The following FAAH2 variants were observed in gnomAD, a reference collection of about 807,000 sequenced individuals.
The protein encoded by FAAH2 is fatty acid amide hydrolase 2, also known as fatty-acid amide hydrolase 2.
In FAAH2, 60 loss-of-function variants were observed where a neutral mutation model predicts 36.9. The observed-to-expected ratio is 1.63, with a 90% CI of 1.32 to 2.02. The LOEUF (loss-of-function observed/expected upper bound fraction) is 2.02, where lower values mean the gene tolerates loss of function less well. FAAH2 is among the 30% of genes most tolerant of loss of function. The pLI is 0.00. For synonymous variants in FAAH2, 214 were observed against 143.8 expected (o/e 1.49, Z -3.49); for missense variants, 689 against 397.5 (o/e 1.73, Z -6.23).
chrX:57,239,156 G>A, the FAAH2 span, among the ~76,000 whole-genome samples: 2 of 111,433 alleles, frequency 1.8e-5, no homozygotes, highest in Non-Finnish European at 3.8e-5. Context: ...AGTTTCAGTG[G>A]CAATGGTACC....
the FAAH2 span, among the ~76,000 whole-genome samples, chrX:57,231,106 A>G: frequency 9.4e-6 from 1 of 105,937 alleles, no homozygotes; most frequent in Admixed American, 1.0e-4. Context: ...AGGTCAGTAG[A>G]AATCCGGGAT....
the FAAH2 span, among the ~76,000 whole-genome samples, chrX:57,259,727 T>C: frequency 8.9e-6 from 1 of 112,060 alleles, no homozygotes; most frequent in South Asian, 3.7e-4. Flanking sequence ...GATGGATATA[T>C]TAATTAGCTT....
At chrX:57,386,087 A>C (rs2055016668) in intron 7 of FAAH2, among the ~76,000 whole-genome samples, 1 of 111,728 alleles carries the variant, frequency 9.0e-6, no homozygotes, top group Non-Finnish European at 1.9e-5. Context: ...TGAGATCTTC[A>C]TAAGTTATAA....
At chrX:57,296,266 C>A (rs1056999600) in intron 2 of FAAH2, among the ~76,000 whole-genome samples, 1 of 111,115 alleles carries the variant, frequency 9.0e-6, no homozygotes, top group African/African-American at 3.3e-5. Context: ...TCCAGAGGAA[C>A]GATCAGGCAG....
chrX:57,405,929 T>G (rs968902970), intron 7 of FAAH2, among the ~76,000 whole-genome samples: 5 of 108,885 alleles, frequency 4.6e-5, no homozygotes, highest in Admixed American at 3.0e-4. Context: ...ATATTTTCAA[T>G]TCTTTATCTG....
chrX:57,231,475 CT>C, the FAAH2 span, among the ~76,000 whole-genome samples: 1 of 111,401 alleles, frequency 9.0e-6, no homozygotes, highest in East Asian at 2.8e-4. Flanking sequence ...TATTTTTTAG[CT>C]TTTTTTGTAA....
intron 7 of FAAH2, among the ~76,000 whole-genome samples, chrX:57,410,011 T>G (rs1488938532): frequency 9.0e-6 from 1 of 111,187 alleles, no homozygotes; most frequent in African/African-American, 3.3e-5. Flanking sequence ...TAGGTGTTTA[T>G]TGCCATAAGT....
intron 2 of FAAH2, among the ~76,000 whole-genome samples, chrX:57,303,586 T>C (rs2052438372): frequency 8.9e-6 from 1 of 111,765 alleles, no homozygotes; most frequent in African/African-American, 3.3e-5. Context: ...GTTACCACCA[T>C]TTTATAGCTG....
At chrX:57,467,518 G>C (rs1271248977) in intron 10 of FAAH2, among the ~76,000 whole-genome samples, 2 of 111,777 alleles carry the variant, frequency 1.8e-5, no homozygotes, top group South Asian at 3.7e-4. Context: ...ATAGCAGTCT[G>C]AGATCAAACT....
the FAAH2 span, among the ~76,000 whole-genome samples, chrX:57,155,162 C>T: frequency 8.9e-6 from 1 of 111,908 alleles, no homozygotes; most frequent in South Asian, 3.8e-4. Flanking sequence ...TGGTTGGCCT[C>T]CTGCCACGAG....
the FAAH2 span, among the ~76,000 whole-genome samples, chrX:57,162,613 A>T: frequency 9.0e-6 from 1 of 110,607 alleles, no homozygotes; most frequent in African/African-American, 3.3e-5. Flanking sequence ...CATTCATTTC[A>T]TCCTCCATTG....
rs191144289 is a variant in FAAH2 at position 57,406,231 on chromosome X, G to A, written c.996+25202G>A. 1.8e-3 allele frequency among the ~76,000 whole-genome samples: 201 copies of A among 112,079 alleles called. 2 individuals carry two copies. Among genetic ancestry groups the A allele is most frequent in the African/African-American group, 6.1e-3 (187 of 30,801 alleles). On this transcript the variant is annotated intron_variant, in intron 7 of 10. Transcript: ENST00000374900. Reference sequence around the variant, plus strand: ...TTTGGCTATATATAACTTTTGTGTCGTGGCTTTCTCAAATGCTGCTTATCG... The same window carrying A: ...TTTGGCTATATATAACTTTTGTGTCATGGCTTTCTCAAATGCTGCTTATCG...
intron 7 of FAAH2, among the ~76,000 whole-genome samples, chrX:57,423,176 C>T (rs2056078546): frequency 8.9e-6 from 1 of 112,040 alleles, no homozygotes; most frequent in African/African-American, 3.2e-5. Context: ...AGAAGGAGGA[C>T]ATTTCTAATC....
intron 7 of FAAH2, among the ~76,000 whole-genome samples, chrX:57,418,527 A>C (rs2055908870): frequency 9.1e-6 from 1 of 109,887 alleles, no homozygotes; most frequent in African/African-American, 3.3e-5. Context: ...GTGACACCCC[A>C]CCCTGCTTTG....
intron 3 of FAAH2, among the ~76,000 whole-genome samples, chrX:57,316,203 G>C (rs2052833604): frequency 2.7e-5 from 3 of 111,193 alleles, no homozygotes; most frequent in South Asian, 7.5e-4. Flanking sequence ...GAGAACTGCA[G>C]AACACTGCCG....
chrX:57,346,624 C>T (rs1035853132), intron 5 of FAAH2, among the ~76,000 whole-genome samples: 1 of 111,308 alleles, frequency 9.0e-6, no homozygotes, highest in African/African-American at 3.3e-5. Flanking sequence ...ATTCTGTACT[C>T]ATGTTGTTAG....
At chrX:57,444,210 G>A (rs1376112939) in intron 8 of FAAH2, among the ~76,000 whole-genome samples, 3 of 112,527 alleles carry the variant, frequency 2.7e-5, no homozygotes, top group Non-Finnish European at 5.6e-5. Flanking sequence ...CCCAGAGGTG[G>A]AGTCTACAGA....
chrX:57,125,296 C>A, the FAAH2 span, among the ~76,000 whole-genome samples: 3 of 112,508 alleles, frequency 2.7e-5, no homozygotes, highest in Non-Finnish European at 5.6e-5. Flanking sequence ...TGTTTATGTG[C>A]TGGATTACGT....
chrX:57,445,121 C>T (rs987691551), intron 8 of FAAH2, among the ~76,000 whole-genome samples: 17 of 111,494 alleles, frequency 1.5e-4, no homozygotes, highest in Non-Finnish European at 2.6e-4. Context: ...TTTGGCCCAT[C>T]CTTATTGAAA....
Sources: gnomAD v4.1 joint callset for allele counts (sites outside exome capture counted in the v4.1 genomes callset) on GRCh38, gnomAD v4.1.1 for gene constraint, MANE v1.5 for transcripts, NCBI Gene and HGNC (gene_info 2026-07-23, HGNC 2026-07-21) for gene names.